The following DNAH8 variants were observed in gnomAD, a reference collection of about 807,000 sequenced individuals.
DNAH8 encodes the protein axonemal beta dynein heavy chain 8.
In DNAH8, 382 loss-of-function variants were observed where a neutral mutation model predicts 562.1. The ratio of observed to expected loss-of-function variants is 0.68; its 90% CI spans 0.63 to 0.74. DNAH8 has a LOEUF of 0.74. Among genes scored for constraint, DNAH8 ranks in the 30% least tolerant of loss-of-function variants. The pLI, the probability that DNAH8 is intolerant of heterozygous loss-of-function variation, is 0.00. For synonymous variants in DNAH8, 1,881 were observed against 1,919.4 expected (o/e 0.98, Z 0.52); for missense variants, 5,203 against 5,620.4 (o/e 0.93, Z 2.37).
At chr6:38,868,858 G>A (rs1777263761) in intron 48 of DNAH8, among the ~76,000 whole-genome samples, 1 of 151,954 alleles carries the variant, frequency 6.6e-6, no homozygotes, top group Admixed American at 6.6e-5. Context: ...GTTTTGTAGA[G>A]ATAGGGTTTT....
chr6:38,806,156 A>T (rs571592660), intron 23 of DNAH8, among the ~76,000 whole-genome samples: 11 of 152,184 alleles, frequency 7.2e-5, no homozygotes, highest in Non-Finnish European at 1.5e-4. Flanking sequence ...CTGGTCATGC[A>T]TGAGCTCTGA....
chr6:38,768,750 T>C (rs909701285), intron 11 of DNAH8, among the ~76,000 whole-genome samples: 6 of 152,186 alleles, frequency 3.9e-5, no homozygotes, highest in Admixed American at 2.6e-4. Flanking sequence ...TTTACTAATA[T>C]TATTTATCTT....
At position 38,862,311 on chromosome 6, in the gene DNAH8, A is replaced by G; in HGVS notation, c.6163A>G (p.Met2055Val). 6.2e-7 allele frequency: 1 copy of G among 1,614,086 alleles called. No individual in the cohort carries two copies. The highest frequency in any genetic ancestry group is 1.7e-5 in the Admixed American group (1 of 60,012). ...TATCACGTTAGCTCAGGCCTTGGGCATGAACATGGGAGGTGCTCCCGCAGG... is the reference window on the plus strand; with the variant it reads ...TATCACGTTAGCTCAGGCCTTGGGCGTGAACATGGGAGGTGCTCCCGCAGG... Reference protein sequence around the residue: ...CYITLAQALGMNMGGAPAGPA... With the variant: ...CYITLAQALGVNMGGAPAGPA... Residue 2055 changes from methionine to valine, a missense_variant, in exon 44 of 93, where the codon ATG becomes GTG. By Grantham distance (21) the Met-to-Val change is conservative. This residue lies in a region of DNAH8 where 2,176 missense variants were observed against 2,365.1 expected (regional missense o/e 0.92). Transcript: ENST00000327475.
chr6:38,841,580 C>A lies in DNAH8; in HGVS notation c.4467-788C>A, dbSNP rs1175467406. The stretch of plus-strand genomic sequence containing the variant: ...AACTGAATCCAGTAGAACCTTATGG[C>A]ATACTAAGGGCTGAGGAATTTCTGG... On this transcript the variant is annotated intron_variant, in intron 33 of 92. Transcript: ENST00000327475. Among the ~76,000 whole-genome samples the A allele has an allele frequency of 2.0e-5, 3 of 152,298 alleles. No individual in the cohort carries two copies. In the East Asian group the frequency reaches 5.8e-4, roughly 29 times the overall value.
intron 85 of DNAH8, among the ~76,000 whole-genome samples, chr6:38,979,124 G>A (rs1390644677): frequency 6.6e-6 from 1 of 152,204 alleles, no homozygotes; most frequent in East Asian, 1.9e-4. Flanking sequence ...TTTGCTCATG[G>A]CCTTTGCCAA....
rs1002839681 is a variant in DNAH8 at position 38,932,085 on chromosome 6, A to AT, written c.11457+95dup. The AT allele has an allele frequency of 1.0e-4, 98 of 983,658 alleles. No individual in the cohort carries two copies. The Admixed American group carries it at 2.9e-3, about 29-fold the overall frequency. The allele number at this position is 983,658 out of a possible 1,614,324, so 60.9% of individuals were successfully genotyped here. On this transcript the variant is annotated intron_variant, in intron 76 of 92. Transcript: ENST00000327475. ...CTAAGTATGTGAAAAAGAAAAAAAA[A>AT]TTTAAAAACCATATTTATCCTTGTT... is the stretch of plus-strand genomic sequence containing the variant.
Position 38,851,589 on chromosome 6 carries a change from G to A in DNAH8, c.5381G>A (p.Arg1794Gln), listed in dbSNP as rs746134358. ...ATTTGAAGGTATTTGGAGAAGAAACGATTACTGTTTCCAAGATTCTTCTTT... is the reference window on the plus strand; with the variant it reads ...ATTTGAAGGTATTTGGAGAAGAAACAATTACTGTTTCCAAGATTCTTCTTT... The part of the protein sequence containing the change: ...KSLTGYLEKK[R>Q]LLFPRFFFVS... Residue 1794 changes from arginine (R) to glutamine (Q), a missense_variant, in exon 39 of 93, where the codon CGA (arginine) becomes CAA (glutamine). Arg to Gln is a conservative substitution (Grantham distance 43). Transcript: ENST00000327475. The A allele has an allele frequency of 1.2e-6, 2 of 1,606,298 alleles. No individual in the cohort carries two copies. Among genetic ancestry groups the A allele is most frequent in the East Asian group, 2.2e-5 (1 of 44,808 alleles).
At chr6:38,795,346 G>A (rs188328635) in intron 21 of DNAH8, among the ~76,000 whole-genome samples, 136 of 152,270 alleles carry the variant, frequency 8.9e-4, no homozygotes, top group African/African-American at 3.1e-3. Flanking sequence ...TTGGGAGGCC[G>A]AGGCAGGTGG....
rs138286391 is a variant in DNAH8 at position 38,797,066 on chromosome 6, A to C, written c.2901+5392A>C. ...GTTATGATCCAAGTTAAACACTGTTAAATAATTAATGAGTATTAGCAATTC... is the reference window on the plus strand; with the variant it reads ...GTTATGATCCAAGTTAAACACTGTTCAATAATTAATGAGTATTAGCAATTC... On this transcript the variant is annotated intron_variant, in intron 21 of 92. Coordinates refer to ENST00000327475, the MANE Select transcript of DNAH8 (RefSeq NM_001206927.2). 2.0e-3 allele frequency among the ~76,000 whole-genome samples: 305 copies of C among 152,372 alleles called. 1 individual carries two copies. The highest frequency in any genetic ancestry group is 6.5e-3 in the African/African-American group (269 of 41,590).
In DNAH8 at chr6:39,027,295, C is replaced by T. The variant is rs539062121; in HGVS notation, c.13836+628C>T. ...TCTCCAGCTACTGCTGTGGGCTACT[C>T]ACAGATTCTACTGTAGGCAGCAGAG... is the stretch of plus-strand genomic sequence containing the variant. On this transcript the variant is annotated intron_variant, in intron 92 of 92. Transcript: ENST00000327475. Among the ~76,000 whole-genome samples, 20 of 152,236 alleles carry T rather than the reference C, an allele frequency of 1.3e-4. No individual in the cohort carries two copies. In the South Asian group the frequency reaches 3.9e-3, roughly 30 times the overall value.
At chr6:38,998,007 C>T (rs1583538029) in intron 88 of DNAH8, among the ~76,000 whole-genome samples, 2 of 152,238 alleles carry the variant, frequency 1.3e-5, no homozygotes, top group Non-Finnish European at 2.9e-5. Context: ...ATCCACCCAC[C>T]TTGGCTTTCC....
At chr6:38,945,825 T>C (rs971366096) in intron 80 of DNAH8, among the ~76,000 whole-genome samples, 2 of 152,136 alleles carry the variant, frequency 1.3e-5, no homozygotes, top group Non-Finnish European at 2.9e-5. Context: ...TGGGTCATTT[T>C]TGTATGCCTG....
At chr6:38,938,727 C>G in intron 78 of DNAH8, 71 bp from the exon 79 acceptor site, 1 of 1,052,754 alleles carries the variant, frequency 9.5e-7, no homozygotes, top group Non-Finnish European at 1.4e-6. Flanking sequence ...TTCATGTGTA[C>G]CCCTGAACTT....
Position 38,872,652 on chromosome 6 carries a change from T to A in DNAH8, c.7107T>A (p.His2369Gln). The A allele has an allele frequency of 6.2e-7, 1 of 1,614,092 alleles. No individual in the cohort carries two copies. The highest frequency in any genetic ancestry group is 1.3e-5 in the African/African-American group (1 of 75,032). The change falls in exon 50 of 93, where the codon CAT (histidine) becomes CAA (glutamine). Residue 2369 changes from histidine to glutamine, a missense_variant. By Grantham distance (24) the His-to-Gln change is conservative. Transcript: ENST00000327475. ...CGCAAACAGAATGCGGAAGGCCTCA[T>A]AGAGAAATGCGAATGAATCCAAAAG... ...MKAQTECGRP[H>Q]REMRMNPKAI...
chr6:38,872,808 A>AT (rs1326272990), intron 50 of DNAH8, 26 bp downstream of exon 50: 1 of 1,612,500 alleles, frequency 6.2e-7, no homozygotes, highest in East Asian at 2.2e-5. Context: ...CTTTGTGATC[A>AT]TTTTTTCCCT....
At chr6:38,814,735 C>A (rs1211783618) in intron 25 of DNAH8, among the ~76,000 whole-genome samples, 1 of 152,202 alleles carries the variant, frequency 6.6e-6, no homozygotes, top group African/African-American at 2.4e-5. Context: ...ATAAAATCAT[C>A]ACAGTTGTCC....
At chr6:38,977,495 C>G (rs986677510) in intron 85 of DNAH8, among the ~76,000 whole-genome samples, 2 of 152,102 alleles carry the variant, frequency 1.3e-5, no homozygotes, top group Non-Finnish European at 2.9e-5. Context: ...GGCTGCCACT[C>G]CCTGAGAATG....
chr6:38,924,509 C>A (rs61107059), intron 73 of DNAH8, among the ~76,000 whole-genome samples: 3,688 of 151,370 alleles, frequency 0.024, 205 homozygotes, highest in East Asian at 0.21. Context: ...CATCCCCCCC[C>A]CAAAAAAAAG....
In DNAH8 at chr6:38,827,733, C is replaced by CTTT. The variant is rs562852660; in HGVS notation, c.4084-415_4084-413dup. The stretch of plus-strand genomic sequence containing the variant: ...TGCAAAAGCTTAATTCTTTACCAAA[C>CTTT]TTTTTTTTTTTTTTTTTTTTTTTTT... On this transcript the variant is annotated intron_variant, in intron 29 of 92. Transcript: ENST00000327475. Among the ~76,000 whole-genome samples the CTTT allele has an allele frequency of 9.2e-4, 48 of 52,244 alleles. 18 individuals carry two copies. Among genetic ancestry groups the CTTT allele is most frequent in the Middle Eastern group, 0.025 (2 of 80 alleles). The allele number at this position is 52,244 out of a possible 152,430, so 34.3% of individuals were successfully genotyped here. A position where few individuals can be genotyped will look rare whatever the true frequency, so the allele number is the denominator to read the frequency against.
Sources: allele counts gnomAD v4.1 joint callset (sites outside exome capture counted in the v4.1 genomes callset), GRCh38; gene constraint gnomAD v4.1.1; regional missense constraint gnomAD v4.1.1; transcripts MANE v1.5; gene names NCBI Gene and HGNC (gene_info 2026-07-23, HGNC 2026-07-21).